LRP1B: variants seen among roughly 807,000 people sequenced by gnomAD.
The protein encoded by LRP1B is low-density lipoprotein receptor-related protein 1B.
Under a neutral mutation model 556.6 loss-of-function variants are expected in LRP1B, and 217 were observed. That is an observed-to-expected ratio of 0.39 (90% CI 0.35 to 0.44). The LOEUF (loss-of-function observed/expected upper bound fraction) is 0.44. Ranked by LOEUF, LRP1B falls within the 20% of genes least tolerant of loss-of-function variation. LRP1B has a pLI of 1.00. For synonymous variants in LRP1B, 2,047 were observed against 1,865.8 expected (o/e 1.10, Z -2.50); for missense variants, 5,053 against 5,620.8 (o/e 0.90, Z 3.23).
intron 84 of LRP1B, among the ~76,000 whole-genome samples, chr2:140,275,698 C>A (rs1414391463): frequency 6.6e-6 from 1 of 151,998 alleles, no homozygotes; most frequent in Non-Finnish European, 1.5e-5. Context: ...TAACAGAAAT[C>A]TAGGCTATTA....
chr2:140,315,997 C>G (rs1254034458), intron 82 of LRP1B, among the ~76,000 whole-genome samples: 1 of 152,072 alleles, frequency 6.6e-6, no homozygotes, highest in Admixed American at 6.6e-5. Flanking sequence ...AACATTTTGA[C>G]TCAGAATAAA....
In LRP1B at chr2:141,306,819, C is replaced by T. The variant is rs926618338; in HGVS notation, c.344-52178G>A. Among the ~76,000 whole-genome samples, 5 of 151,930 alleles carry T rather than the reference C, an allele frequency of 3.3e-5. No homozygotes were observed. The East Asian group carries it at 9.6e-4, about 29-fold the overall frequency. On this transcript the variant is annotated intron_variant, in intron 3 of 90. Coordinates refer to ENST00000389484, the MANE Select transcript of LRP1B (RefSeq NM_018557.3). The stretch of plus-strand genomic sequence containing the variant: ...GGTTCTGGTATTATGTATCAATTTT[C>T]ATTTAAGAAATTTTTTTATTTTCTC...
intron 51 of LRP1B, among the ~76,000 whole-genome samples, chr2:140,512,482 C>T (rs1443549630): frequency 6.6e-6 from 1 of 152,104 alleles, no homozygotes; most frequent in Non-Finnish European, 1.5e-5. Flanking sequence ...ATCTTGCACA[C>T]CAACTCGGAT....
chr2:140,804,383 TTGA>T, intron 32 of LRP1B, among the ~76,000 whole-genome samples: 1 of 152,250 alleles, frequency 6.6e-6, no homozygotes, highest in Non-Finnish European at 1.5e-5. Context: ...AAAAAGGCTT[TTGA>T]TGATGTCTGT....
chr2:140,757,412 A>C (rs1162501548), intron 35 of LRP1B, among the ~76,000 whole-genome samples: 3 of 152,256 alleles, frequency 2.0e-5, no homozygotes, highest in Non-Finnish European at 4.4e-5. Context: ...ATCAAATGAT[A>C]AATGTCTAAA....
intron 3 of LRP1B, among the ~76,000 whole-genome samples, chr2:141,455,429 T>C (rs1309299576): frequency 6.6e-6 from 1 of 152,180 alleles, no homozygotes; most frequent in Admixed American, 6.5e-5. Flanking sequence ...TCAGTTGAAG[T>C]GTCCGAGTCA....
At chr2:142,123,859 G>A (rs2105016387) in intron 1 of LRP1B, among the ~76,000 whole-genome samples, 1 of 151,964 alleles carries the variant, frequency 6.6e-6, no homozygotes, top group African/African-American at 2.4e-5. Context: ...AAATGGATCT[G>A]TGGTACAAAT....
chr2:140,582,411 C>T (rs531315179), intron 43 of LRP1B, among the ~76,000 whole-genome samples: 69 of 152,252 alleles, frequency 4.5e-4, no homozygotes, highest in African/African-American at 1.6e-3. Context: ...CTTATTTCTG[C>T]CCAAAGCAGG....
intron 7 of LRP1B, among the ~76,000 whole-genome samples, chr2:141,104,776 C>G (rs919779157): frequency 2.6e-5 from 4 of 151,930 alleles, no homozygotes; most frequent in Non-Finnish European, 5.9e-5. Flanking sequence ...GAATGGTACT[C>G]CAGATTTGAT....
chr2:140,670,098 A>G (rs1685425867), intron 41 of LRP1B, among the ~76,000 whole-genome samples: 1 of 152,190 alleles, frequency 6.6e-6, no homozygotes, highest in Admixed American at 6.5e-5. Flanking sequence ...ATGGGAATTA[A>G]CAATACCACG....
At chr2:140,977,670 A>C (rs932905415) in intron 18 of LRP1B, among the ~76,000 whole-genome samples, 5 of 152,104 alleles carry the variant, frequency 3.3e-5, no homozygotes, top group Non-Finnish European at 5.9e-5. Flanking sequence ...TAGAAATATA[A>C]ATTCTTGGGC....
rs1322029733 is a variant in LRP1B, at chr2:140,883,874, G to T, written c.4112C>A (p.Thr1371Lys). The change falls in exon 25 of 91, where the codon ACA becomes AAA. Residue 1371 changes from threonine to lysine, a missense_variant. Coordinates refer to ENST00000389484, the MANE Select transcript of LRP1B (RefSeq NM_018557.3). ...VAKLDGSLRT[T>K]LIAGAMEHPR... is the part of the protein sequence containing the mutation. Reference sequence around the variant, plus strand: ...GTGTTCCATGGCTCCTGCTATTAGTGTAGTTCTTAGGGAGCCATCTAGTTT... The same window carrying T: ...GTGTTCCATGGCTCCTGCTATTAGTTTAGTTCTTAGGGAGCCATCTAGTTT... 1 of 1,613,870 alleles carries T rather than the reference G, an allele frequency of 6.2e-7. No homozygotes were observed. The highest frequency in any genetic ancestry group is 8.5e-7 in the Non-Finnish European group (1 of 1,179,926).
At chr2:141,683,296 G>A (rs964816546) in intron 2 of LRP1B, among the ~76,000 whole-genome samples, 1 of 152,126 alleles carries the variant, frequency 6.6e-6, no homozygotes, top group Non-Finnish European at 1.5e-5. Context: ...AAATCTGAAT[G>A]TTAAAGGCAC....
chr2:140,435,118 C>T (rs1197804821), intron 66 of LRP1B, among the ~76,000 whole-genome samples: 1 of 151,730 alleles, frequency 6.6e-6, no homozygotes, highest in Non-Finnish European at 1.5e-5. Context: ...AATTGCCAGC[C>T]CAAAAGATAT....
At chr2:141,133,925 G>C (rs995305251) in intron 7 of LRP1B, among the ~76,000 whole-genome samples, 5 of 151,788 alleles carry the variant, frequency 3.3e-5, no homozygotes, top group African/African-American at 1.2e-4. Context: ...GATGTCTCAG[G>C]TATCTCAAGA....
chr2:141,328,028 G>A (rs947348244), intron 3 of LRP1B, among the ~76,000 whole-genome samples: 2 of 152,116 alleles, frequency 1.3e-5, no homozygotes, highest in Non-Finnish European at 2.9e-5. Flanking sequence ...AGATAAGTAA[G>A]ATATCATGAA....
At chr2:140,932,046 A>G (rs1005398040) in intron 20 of LRP1B, among the ~76,000 whole-genome samples, 6 of 152,166 alleles carry the variant, frequency 3.9e-5, no homozygotes, top group Non-Finnish European at 4.4e-5. Flanking sequence ...TGAACAAAAG[A>G]TATTATTTAA....
At chr2:140,547,031 A>G (rs1680368238) in intron 43 of LRP1B, among the ~76,000 whole-genome samples, 1 of 152,170 alleles carries the variant, frequency 6.6e-6, no homozygotes, top group East Asian at 1.9e-4. Context: ...AAGCTTTTTG[A>G]TGTGCTGCTG....
intron 2 of LRP1B, among the ~76,000 whole-genome samples, chr2:141,490,370 C>CGTGT (rs767310378): frequency 0.014 from 1,679 of 121,270 alleles, 20 homozygotes; most frequent in African/African-American, 0.039. Context: ...AAAATAGCCT[C>CGTGT]GTGTGTGTGT....
Sources: gnomAD v4.1 joint callset for allele counts (sites outside exome capture counted in the v4.1 genomes callset) on GRCh38, gnomAD v4.1.1 for gene constraint, MANE v1.5 for transcripts, NCBI Gene and HGNC (gene_info 2026-07-23, HGNC 2026-07-21) for gene names.